The following NDUFB5 variants were observed in gnomAD, a reference collection of about 807,000 sequenced individuals.
NDUFB5 encodes NADH:ubiquinone oxidoreductase subunit B5.
A neutral mutation model predicts 19.4 loss-of-function variants in NDUFB5; 19 were observed. The observed-to-expected ratio is 0.98, with a 90% CI of 0.68 to 1.43. The LOEUF is 1.43. Among genes scored for constraint, NDUFB5 ranks in the 40% most tolerant of loss-of-function variants. The pLI is 0.00. For missense variants in NDUFB5, 233 were observed against 236.5 expected, an observed-to-expected ratio of 0.99 and a Z score of 0.10; for synonymous variants, 80 against 82.6, an observed-to-expected ratio of 0.97 and a Z score of 0.17.
intron 1 of NDUFB5, among the ~76,000 whole-genome samples, chr3:179,605,765 C>CT (rs1719075662): frequency 6.6e-6 from 1 of 150,798 alleles, no homozygotes; most frequent in Non-Finnish European, 1.5e-5. Flanking sequence ...GCAAAAGTGC[C>CT]TAGGTCTCAG....
At chr3:179,619,279 C>T (rs1188881602) in intron 5 of NDUFB5, among the ~76,000 whole-genome samples, 4 of 148,360 alleles carry the variant, frequency 2.7e-5, no homozygotes, top group Non-Finnish European at 3.0e-5. Context: ...ATACATGTGC[C>T]GTGTTGGTGT....
Position 179,618,449 on chromosome 3 carries a change from A to G in NDUFB5, c.377A>G (p.Tyr126Cys), listed in dbSNP as rs1021437807. Reference protein sequence around the residue: ...PISRWIARNFYDSPEKIYERT... With the variant: ...PISRWIARNFCDSPEKIYERT... ...TCAAGATGGATTGCCCGTAATTTCTATGATAGTCCTGAAAAGATATATGAA... is the reference window on the plus strand; with the variant it reads ...TCAAGATGGATTGCCCGTAATTTCTGTGATAGTCCTGAAAAGATATATGAA... The change falls in exon 5 of 6, where the codon TAT (tyrosine) becomes TGT (cysteine). Residue 126 changes from tyrosine to cysteine, a missense_variant. Tyr to Cys is a radical substitution (Grantham distance 194). Transcript: ENST00000259037. 6.8e-6 allele frequency: 11 copies of G among 1,611,290 alleles called. No individual in the cohort carries two copies. The highest frequency in any genetic ancestry group is 2.7e-5 in the African/African-American group (2 of 74,788).
intron 1 of NDUFB5, among the ~76,000 whole-genome samples, chr3:179,611,084 G>A (rs953146003): frequency 1.3e-5 from 2 of 152,138 alleles, no homozygotes; most frequent in Admixed American, 6.5e-5. Context: ...TGGGGGAGGG[G>A]AGGGACTGAC....
Position 179,626,272 on chromosome 3 carries a change from T to G in NDUFB5, c.*2232T>G, listed in dbSNP as rs1719667244. 3 of 152,120 alleles carry G rather than the reference T, an allele frequency of 2.0e-5. No individual in the cohort carries two copies. The South Asian group carries it at 6.2e-4, about 32-fold the overall frequency. The allele number at this position is 152,120 out of a possible 1,614,324, so 9.4% of individuals were successfully genotyped here. ...CTCTGGCCCTTTTTTTAAATTTTTT[T>G]TTTTTTTGAATTGGGGTCACCCAGT... On this transcript the variant is annotated 3_prime_UTR_variant, in exon 6 of 6. Coordinates refer to ENST00000259037, the MANE Select transcript of NDUFB5 (RefSeq NM_002492.4).
intron 1 of NDUFB5, among the ~76,000 whole-genome samples, chr3:179,607,346 G>GT (rs1358960753): frequency 2.6e-5 from 4 of 152,220 alleles, no homozygotes; most frequent in South Asian, 2.1e-4. Flanking sequence ...GTCTTGTTTT[G>GT]TTTTTTCTGG....
chr3:179,615,951 G>T, intron 2 of NDUFB5, 32 bp from the exon 3 acceptor site: 1 of 1,501,088 alleles, frequency 6.7e-7, no homozygotes, highest in Non-Finnish European at 9.3e-7. Flanking sequence ...GTTACGAAAT[G>T]GTCATGAGAA....
intron 1 of NDUFB5, among the ~76,000 whole-genome samples, chr3:179,607,390 G>T (rs1719132584): frequency 6.6e-6 from 1 of 152,120 alleles, no homozygotes; most frequent in Admixed American, 6.5e-5. Context: ...TCTGGCTCTA[G>T]AATTCAGAAG....
At chr3:179,607,460 C>T (rs1719133683) in intron 1 of NDUFB5, among the ~76,000 whole-genome samples, 1 of 152,172 alleles carries the variant, frequency 6.6e-6, no homozygotes, top group African/African-American at 2.4e-5. Context: ...TTGCTCATAA[C>T]CTGCATTTCC....
chr3:179,612,028 T>C (rs952998285), intron 1 of NDUFB5, among the ~76,000 whole-genome samples: 1 of 151,166 alleles, frequency 6.6e-6, no homozygotes, highest in African/African-American at 2.4e-5. Flanking sequence ...TTGCTCAGGC[T>C]GACCTCAAAC....
rs556736158 is a variant in NDUFB5 at position 179,614,820 on chromosome 3, G to A, written c.125-151G>A. ...TACCTCATAACAAGGTTTGAGGGAGGCACATCTCACACCTGAGTGTGAAAA... is the reference window on the plus strand; with the variant it reads ...TACCTCATAACAAGGTTTGAGGGAGACACATCTCACACCTGAGTGTGAAAA... On this transcript the variant is annotated intron_variant, in intron 1 of 5. Coordinates refer to ENST00000259037, the MANE Select transcript of NDUFB5 (RefSeq NM_002492.4). The A allele has an allele frequency of 1.9e-4, 86 of 442,176 alleles. 4 individuals are homozygous for A. In the South Asian group the frequency reaches 4.2e-3, roughly 21 times the overall value. The allele number at this position is 442,176 out of a possible 1,614,324, so 27.4% of individuals were successfully genotyped here.
intron 1 of NDUFB5, among the ~76,000 whole-genome samples, chr3:179,609,354 GAT>G (rs1270772716): frequency 4.6e-5 from 7 of 152,154 alleles, no homozygotes; most frequent in African/African-American, 7.2e-5. Flanking sequence ...AAAATACGAA[GAT>G]AGAGTTGCAA....
At position 179,625,740 on chromosome 3, in the gene NDUFB5, C is replaced by T. The variant is rs1719653723; in HGVS notation, c.*1700C>T. On this transcript the variant is annotated 3_prime_UTR_variant, in exon 6 of 6. Transcript: ENST00000259037. The stretch of plus-strand genomic sequence containing the variant: ...TCCCAGCCTTGTAACCACCTTTCTA[C>T]TCTGCCTCCATGAGACCCATTTTTT... 6.6e-6 allele frequency: 1 copy of T among 152,170 alleles called. No individual in the cohort carries two copies. Among genetic ancestry groups the T allele is most frequent in the African/African-American group, 2.4e-5 (1 of 41,434 alleles). The allele number at this position is 152,170 out of a possible 1,614,324, so 9.4% of individuals were successfully genotyped here.
chr3:179,612,220 G>C (rs1719260756), intron 1 of NDUFB5, among the ~76,000 whole-genome samples: 1 of 151,450 alleles, frequency 6.6e-6, no homozygotes, highest in African/African-American at 2.4e-5. Context: ...GTGGTGGTGC[G>C]TGATGTAATC....
intron 2 of NDUFB5, chr3:179,615,574 A>G: frequency 2.2e-6 from 1 of 463,762 alleles, no homozygotes; most frequent in Non-Finnish European, 4.3e-6. Context: ...CGAACAAAGT[A>G]GAGGCTTAGA....
At chr3:179,619,470 G>A (rs532691247) in intron 5 of NDUFB5, among the ~76,000 whole-genome samples, 8 of 151,826 alleles carry the variant, frequency 5.3e-5, no homozygotes, top group South Asian at 2.1e-4. Context: ...TTGTCCTTGC[G>A]ATAGTTTGCT....
chr3:179,618,644 T>TA lies in NDUFB5; in HGVS notation c.449+124dup, dbSNP rs1719446759. 6 of 672,944 alleles carry TA rather than the reference T, an allele frequency of 8.9e-6. No homozygotes were observed. The East Asian group carries it at 1.8e-4, about 20-fold the overall frequency. 41.7% of individuals were successfully genotyped at this position (672,944 alleles called of 1,614,324 possible). On this transcript the variant is annotated intron_variant, in intron 5 of 5. Transcript: ENST00000259037. ...GATACTTTATGTAAAAGGATAAAGA[T>TA]ACGTCCAGATGCAGTGGCTCACACC... is the stretch of plus-strand genomic sequence containing the variant.
rs753642129 is a variant in NDUFB5, at chr3:179,624,006, T to C, written c.536T>C (p.Ile179Thr). ...TATGAGACAATTGACAAGGAACTTA[T>C]TGATCATTCTCCGAAAGCAACTCCT... is the stretch of plus-strand genomic sequence containing the variant. ...YYYETIDKELIDHSPKATPDN is the reference protein window; with the variant it reads ...YYYETIDKELTDHSPKATPDN The change falls in exon 6 of 6, where the codon ATT (isoleucine) becomes ACT (threonine). Residue 179 changes from isoleucine (I) to threonine (T), a missense_variant. By Grantham distance (89) the Ile-to-Thr change is moderately conservative. Transcript: ENST00000259037. 2.5e-6 allele frequency: 4 copies of C among 1,614,012 alleles called. No homozygotes were observed. Among genetic ancestry groups the C allele is most frequent in the South Asian group, 2.2e-5 (2 of 91,062 alleles).
At chr3:179,617,077 T>TA in intron 4 of NDUFB5, 33 bp downstream of exon 4, 2 of 1,463,658 alleles carry the variant, frequency 1.4e-6, no homozygotes, top group South Asian at 1.2e-5. Context: ...TACATACTGT[T>TA]ACATGCCTTG....
intron 2 of NDUFB5, chr3:179,615,341 T>C (rs1255254555): frequency 3.7e-6 from 1 of 268,026 alleles, no homozygotes; most frequent in African/African-American, 2.2e-5. Flanking sequence ...GAATCTGTGT[T>C]CCTATAACTA....
Sources: gnomAD v4.1 joint callset for allele counts (sites outside exome capture counted in the v4.1 genomes callset) on GRCh38, gnomAD v4.1.1 for gene constraint, MANE v1.5 for transcripts, NCBI Gene and HGNC (gene_info 2026-07-23, HGNC 2026-07-21) for gene names.